GPBP1L1: variants seen among roughly 807,000 people sequenced by gnomAD.
GPBP1L1 encodes vasculin-like protein 1.
Under a neutral mutation model 52.5 loss-of-function variants are expected in GPBP1L1, and 23 were observed. The observed-to-expected ratio is 0.44, with a 90% CI of 0.32 to 0.62. The LOEUF (loss-of-function observed/expected upper bound fraction) is 0.62, where lower values mean the gene tolerates loss of function less well. Ranked by LOEUF, GPBP1L1 falls within the 20% of genes least tolerant of loss-of-function variation. The probability of loss-of-function intolerance (pLI) is 0.06; values close to 1 mark genes in which losing one functional copy is unlikely to be tolerated. For synonymous variants in GPBP1L1, 243 were observed against 203.1 expected (o/e 1.20, Z -1.67); for missense variants, 596 against 579.3 (o/e 1.03, Z -0.30).
intron 5 of GPBP1L1, among the ~76,000 whole-genome samples, 168 bp from the exon 6 acceptor site, chr1:45,654,997 A>G (rs964719087): frequency 2.6e-5 from 4 of 152,270 alleles, no homozygotes; most frequent in African/African-American, 9.6e-5. Flanking sequence ...TCAACTGAAC[A>G]GATGATTCAT....
chr1:45,653,097 T>A (rs1306641914), intron 6 of GPBP1L1, among the ~76,000 whole-genome samples: 1 of 152,196 alleles, frequency 6.6e-6, no homozygotes, highest in Non-Finnish European at 1.5e-5. Flanking sequence ...GGAATTCACA[T>A]TAATATATAA....
Position 45,655,202 on chromosome 1 carries a change from G to A in GPBP1L1, c.178C>T (p.Arg60Ter), listed in dbSNP as rs947737666. The A allele has an allele frequency of 1.2e-6, 2 of 1,614,038 alleles. No homozygotes were observed. The highest frequency in any genetic ancestry group is 1.3e-5 in the African/African-American group (1 of 75,024). Residue 60 changes from arginine (R) to a stop codon, truncating the protein, a stop_gained, in exon 5 of 13, where the codon CGA (arginine) becomes TGA (stop). Coordinates refer to ENST00000355105, the MANE Select transcript of GPBP1L1 (RefSeq NM_021639.5). LOFTEE classifies it high-confidence loss of function. The stretch of plus-strand genomic sequence containing the variant: ...GGACATGGCTCACCTCCTGCAGTTC[G>A]TAGGGGACCATTGTTAAAAAAACCA... ...SDGFFNNGPLRTAGDSWHQPS... is the reference protein window; with the variant it reads ...SDGFFNNGPL
intron 6 of GPBP1L1, among the ~76,000 whole-genome samples, chr1:45,645,191 T>C (rs1016952253): frequency 6.6e-6 from 1 of 152,190 alleles, no homozygotes; most frequent in African/African-American, 2.4e-5. Flanking sequence ...GATAAACTAT[T>C]TCAAGATCAC....
intron 2 of GPBP1L1, among the ~76,000 whole-genome samples, chr1:45,670,095 T>G (rs541309625): frequency 2.6e-5 from 4 of 152,362 alleles, no homozygotes; most frequent in African/African-American, 9.6e-5. Context: ...GAACAACGTG[T>G]AACCAGTTTT....
intron 6 of GPBP1L1, among the ~76,000 whole-genome samples, chr1:45,647,750 C>T (rs552589617): frequency 1.3e-5 from 2 of 152,204 alleles, no homozygotes; most frequent in East Asian, 1.9e-4. Flanking sequence ...CCTTTCAGCA[C>T]GCTTCCCCAG....
chr1:45,654,904 C>A, intron 5 of GPBP1L1, 75 bp from the exon 6 acceptor site: 1 of 1,366,490 alleles, frequency 7.3e-7, no homozygotes, highest in Non-Finnish European at 9.9e-7. Flanking sequence ...CAAAGGCCTT[C>A]AGGAGACCTC....
intron 6 of GPBP1L1, among the ~76,000 whole-genome samples, chr1:45,649,073 C>T (rs767285063): frequency 6.6e-6 from 1 of 152,152 alleles, no homozygotes. Flanking sequence ...CTGCGACCTG[C>T]TGCATGAGAT....
At chr1:45,665,830 A>T (rs1333468499) in intron 2 of GPBP1L1, among the ~76,000 whole-genome samples, 1 of 151,506 alleles carries the variant, frequency 6.6e-6, no homozygotes, top group Non-Finnish European at 1.5e-5. Context: ...TCGACTCTTC[A>T]AGGTCAAATT....
Position 45,660,425 on chromosome 1 carries a change from G to A in GPBP1L1, c.-297C>T. ...AAGGGGAAAAGGGGAAGGGGGGAAG[G>A]GGAACATAAAAAGTATTTGTTACAT... On this transcript the variant is annotated 5_prime_UTR_variant, in exon 3 of 13. Coordinates refer to ENST00000355105, the MANE Select transcript of GPBP1L1 (RefSeq NM_021639.5). The A allele has an allele frequency of 2.0e-6, 2 of 982,786 alleles. No individual in the cohort carries two copies. The highest frequency in any genetic ancestry group is 2.4e-6 in the Non-Finnish European group (2 of 827,722). The allele number at this position is 982,786 out of a possible 1,614,324, so 60.9% of individuals were successfully genotyped here. A position where few individuals can be genotyped will look rare whatever the true frequency, so the allele number is the denominator to read the frequency against.
At position 45,654,807 on chromosome 1, in the gene GPBP1L1, C is replaced by T. The variant is rs769547792; in HGVS notation, c.213G>A (p.Leu71=). ...TAGDSWHQPS[L]FRHDSVDSGV... is the part of the protein sequence containing the mutation. ...CAGAGTCCACAGAATCATGGCGGAA[C>T]AGGGAGGGCTGGTGCCAAGAATCTA... The change falls in exon 6 of 13, where the codon CTG becomes CTA. Residue 71 remains leucine (L), a synonymous_variant. Coordinates refer to ENST00000355105, the MANE Select transcript of GPBP1L1 (RefSeq NM_021639.5). 2 of 1,614,002 alleles carry T rather than the reference C, an allele frequency of 1.2e-6. No individual in the cohort carries two copies. Among genetic ancestry groups the T allele is most frequent in the South Asian group, 1.1e-5 (1 of 91,074 alleles).
chr1:45,668,132 T>C (rs1645031827), intron 2 of GPBP1L1, among the ~76,000 whole-genome samples: 1 of 152,134 alleles, frequency 6.6e-6, no homozygotes, highest in Admixed American at 6.6e-5. Flanking sequence ...AAATTACCTT[T>C]CTCCCACAGC....
At chr1:45,635,585 G>A (rs1644583572) in intron 8 of GPBP1L1, 1 of 152,132 alleles carries the variant, frequency 6.6e-6, no homozygotes, top group African/African-American at 2.4e-5. Flanking sequence ...TAAACCCTAT[G>A]AGATAGCTAG....
At chr1:45,679,581 A>G (rs1645187517) in intron 2 of GPBP1L1, among the ~76,000 whole-genome samples, 1 of 152,184 alleles carries the variant, frequency 6.6e-6, no homozygotes, top group African/African-American at 2.4e-5. Flanking sequence ...TAAGATTCAC[A>G]AAAAAGCAAT....
intron 2 of GPBP1L1, among the ~76,000 whole-genome samples, chr1:45,665,609 T>C (rs1645000625): frequency 6.6e-6 from 1 of 151,352 alleles, no homozygotes; most frequent in Non-Finnish European, 1.5e-5. Flanking sequence ...GGTGTGGTGG[T>C]GCATGCCTGT....
At chr1:45,646,154 G>C in intron 6 of GPBP1L1, 1 of 378,060 alleles carries the variant, frequency 2.6e-6, no homozygotes, top group Non-Finnish European at 5.1e-6. Flanking sequence ...TTCGGCATTG[G>C]TGATACTCTT....
chr1:45,659,032 G>C lies in GPBP1L1; in HGVS notation c.56C>G (p.Ala19Gly). Residue 19 changes from alanine (A) to glycine (G), a missense_variant, in exon 4 of 13, where the codon GCT (alanine) becomes GGT (glycine). By Grantham distance (60) the Ala-to-Gly change is moderately conservative. Coordinates refer to ENST00000355105, the MANE Select transcript of GPBP1L1 (RefSeq NM_021639.5). ...TACAGGAATGGAGAACAGTACCTTA[G>C]CTGACTGTGGTGTTGAGAAATTTAG... Reference protein sequence around the residue: ...AWLNFSTPQSAKSPTATFEKH... With the variant: ...AWLNFSTPQSGKSPTATFEKH... The C allele has an allele frequency of 1.3e-6, 2 of 1,599,802 alleles. No homozygotes were observed. The highest frequency in any genetic ancestry group is 1.7e-6 in the Non-Finnish European group (2 of 1,166,782).
At chr1:45,647,055 T>C (rs571015085) in intron 6 of GPBP1L1, among the ~76,000 whole-genome samples, 2 of 152,194 alleles carry the variant, frequency 1.3e-5, no homozygotes, top group South Asian at 4.1e-4. Context: ...TTTATTCTCT[T>C]TATTCTTCAG....
chr1:45,638,027 A>C (rs1405055130), intron 8 of GPBP1L1, among the ~76,000 whole-genome samples: 2 of 152,222 alleles, frequency 1.3e-5, no homozygotes, highest in Non-Finnish European at 2.9e-5. Flanking sequence ...TTCCATGCTC[A>C]GCTGTTTCTT....
At chr1:45,684,042 G>C (rs1344553410) in intron 2 of GPBP1L1, among the ~76,000 whole-genome samples, 2 of 151,964 alleles carry the variant, frequency 1.3e-5, no homozygotes, top group African/African-American at 4.8e-5. Context: ...CGGATCACCT[G>C]AGGTCAGGAG....
Sources: allele counts gnomAD v4.1 joint callset (sites outside exome capture counted in the v4.1 genomes callset), GRCh38; gene constraint gnomAD v4.1.1; transcripts MANE v1.5; gene names NCBI Gene and HGNC (gene_info 2026-07-23, HGNC 2026-07-21).